The following LARP4B variants were observed in gnomAD, a reference collection of about 807,000 sequenced individuals.
The protein encoded by LARP4B is La ribonucleoprotein 4B.
In LARP4B, 12 loss-of-function variants were observed where a neutral mutation model predicts 89.8. That is an observed-to-expected ratio of 0.13 (90% CI 0.09 to 0.22). The LOEUF (loss-of-function observed/expected upper bound fraction) is 0.22, where lower values mean the gene tolerates loss of function less well. Among genes scored for constraint, LARP4B ranks in the 10% least tolerant of loss-of-function variants. The pLI is 1.00. For synonymous variants in LARP4B, 367 were observed against 363.3 expected (o/e 1.01, Z -0.12); for missense variants, 757 against 947.7 (o/e 0.80, Z 2.64).
chr10:902,965 T>C (rs1273617488), intron 1 of LARP4B, among the ~76,000 whole-genome samples: 2 of 152,210 alleles, frequency 1.3e-5, no homozygotes, highest in African/African-American at 4.8e-5. Context: ...AATACAGATG[T>C]TAAATTACCT....
intron 5 of LARP4B, among the ~76,000 whole-genome samples, chr10:851,508 T>C (rs1461019199): frequency 2.0e-5 from 3 of 152,034 alleles, no homozygotes; most frequent in Non-Finnish European, 2.9e-5. Flanking sequence ...ATAAGGTCAA[T>C]AAAACTAACA....
chr10:848,529 A>G (rs1427523621), intron 5 of LARP4B, among the ~76,000 whole-genome samples: 2 of 152,064 alleles, frequency 1.3e-5, no homozygotes, highest in Non-Finnish European at 2.9e-5. Context: ...ACTGTATTCC[A>G]TATGTTCACG....
chr10:884,900 T>C (rs1389313165), intron 2 of LARP4B, among the ~76,000 whole-genome samples: 1 of 152,212 alleles, frequency 6.6e-6, no homozygotes, highest in African/African-American at 2.4e-5. Flanking sequence ...AATCACTACA[T>C]ATCCTTGATT....
intron 3 of LARP4B, among the ~76,000 whole-genome samples, chr10:880,111 A>G (rs546258791): frequency 1.6e-4 from 25 of 152,276 alleles, no homozygotes; most frequent in Admixed American, 1.2e-3. Context: ...AGGTGGTAAC[A>G]ACCTGCCAAA....
intron 5 of LARP4B, among the ~76,000 whole-genome samples, chr10:858,364 G>A (rs1834414357): frequency 6.6e-6 from 1 of 152,082 alleles, no homozygotes; most frequent in South Asian, 2.1e-4. Context: ...AACAAAGTTG[G>A]ATCCATACTT....
intron 5 of LARP4B, among the ~76,000 whole-genome samples, chr10:850,673 C>G (rs1833998603): frequency 6.6e-6 from 1 of 152,108 alleles, no homozygotes; most frequent in Admixed American, 6.6e-5. Flanking sequence ...ACATATTCTT[C>G]TCAAGGACAA....
intron 1 of LARP4B, among the ~76,000 whole-genome samples, chr10:927,034 G>C (rs1253655224): frequency 6.8e-6 from 1 of 147,356 alleles, no homozygotes. Context: ...AACGAGACTC[G>C]GTCTCAAAAA....
chr10:925,075 G>A (rs960196491), intron 1 of LARP4B, among the ~76,000 whole-genome samples: 2 of 152,154 alleles, frequency 1.3e-5, no homozygotes, highest in African/African-American at 4.8e-5. Flanking sequence ...AGCAAGAAGG[G>A]GAGACAAGGA....
intron 13 of LARP4B, among the ~76,000 whole-genome samples, chr10:821,237 G>A (rs1316354946): frequency 3.3e-5 from 5 of 152,210 alleles, no homozygotes; most frequent in Admixed American, 3.3e-4. Context: ...AATTTTCCCG[G>A]CGCAGATTTG....
At chr10:846,551 G>C (rs571064383) in intron 5 of LARP4B, among the ~76,000 whole-genome samples, 65 of 152,336 alleles carry the variant, frequency 4.3e-4, no homozygotes, top group African/African-American at 1.4e-3. Context: ...GCACAGCTGA[G>C]AAGAGGGGTG....
chr10:828,492 C>A (rs2131652107), intron 11 of LARP4B, among the ~76,000 whole-genome samples: 1 of 152,318 alleles, frequency 6.6e-6, no homozygotes, highest in Non-Finnish European at 1.5e-5. Context: ...CCCTCCTTTT[C>A]TGCCTGTCAG....
chr10:926,393 A>G (rs765616682), intron 1 of LARP4B, among the ~76,000 whole-genome samples: 1 of 152,214 alleles, frequency 6.6e-6, no homozygotes, highest in Non-Finnish European at 1.5e-5. Context: ...ATTTCAGTCA[A>G]AGAATCTACC....
intron 5 of LARP4B, among the ~76,000 whole-genome samples, chr10:846,721 C>T (rs150394318): frequency 1.1e-3 from 169 of 152,232 alleles, no homozygotes; most frequent in African/African-American, 3.8e-3. Context: ...CAGGCACCAG[C>T]CGGAAGATAA....
chr10:972,816 CA>C, the LARP4B span: 1,928 of 456,862 alleles, frequency 4.2e-3, 51 homozygotes, highest in Admixed American at 0.042. Flanking sequence ...TTCCCCTCTC[CA>C]AGGCCACACA....
upstream of LARP4B, among the ~76,000 whole-genome samples, chr10:935,823 A>T: frequency 7.2e-6 from 1 of 138,594 alleles, no homozygotes; most frequent in Non-Finnish European, 1.5e-5. Flanking sequence ...AGTTCAAGTG[A>T]TTCTCCTGCC....
At chr10:986,935 G>A in the LARP4B span, 1 of 21,896 alleles carries the variant, frequency 4.6e-5, no homozygotes, top group African/African-American at 1.5e-4. Flanking sequence ...GTGAGATTCC[G>A]TCTCAAAAAA....
chr10:896,868 G>C (rs997610779), intron 1 of LARP4B, among the ~76,000 whole-genome samples: 11 of 152,120 alleles, frequency 7.2e-5, no homozygotes, highest in African/African-American at 1.2e-4. Flanking sequence ...CCATGTTTAT[G>C]AAGAGGAAGA....
chr10:873,480 G>C (rs1243183731), intron 3 of LARP4B: 5 of 934,592 alleles, frequency 5.3e-6, no homozygotes, highest in East Asian at 1.2e-4. Flanking sequence ...AAGATTTCAG[G>C]CTTCTGGTTT....
chr10:931,449 C>A lies in LARP4B; in HGVS notation c.-61G>T. ...TCACCTGTCAGCGCCGCCGCCCCGCCCGACCGGCCGCCCGCGGGCTCCTCG... is the reference window on the plus strand; with the variant it reads ...TCACCTGTCAGCGCCGCCGCCCCGCACGACCGGCCGCCCGCGGGCTCCTCG... On this transcript the variant is annotated 5_prime_UTR_variant, in exon 1 of 18. Transcript: ENST00000316157. 1 of 148,108 alleles carries A rather than the reference C, an allele frequency of 6.8e-6. No individual in the cohort carries two copies. The highest frequency in any genetic ancestry group is 2.0e-4 in the South Asian group (1 of 5,080). The allele number at this position is 148,108 out of a possible 1,614,324, so 9.2% of individuals were successfully genotyped here.
Sources: gnomAD v4.1 joint callset for allele counts (sites outside exome capture counted in the v4.1 genomes callset) on GRCh38, gnomAD v4.1.1 for gene constraint, MANE v1.5 for transcripts, NCBI Gene and HGNC (gene_info 2026-07-23, HGNC 2026-07-21) for gene names.